NPAS3: variants seen among roughly 807,000 people sequenced by gnomAD.
The protein encoded by NPAS3 is neuronal PAS domain-containing protein 3.
A neutral mutation model predicts 73.1 loss-of-function variants in NPAS3; 14 were observed. That is an observed-to-expected ratio of 0.19 (90% CI 0.13 to 0.30). NPAS3 has a LOEUF of 0.30. Among genes scored for constraint, NPAS3 ranks in the 10% least tolerant of loss-of-function variants. The pLI, the probability that NPAS3 is intolerant of heterozygous loss-of-function variation, is 1.00. For synonymous variants in NPAS3, 620 were observed against 541.5 expected, an observed-to-expected ratio of 1.14 and a Z score of -2.01; for missense variants, 1,096 against 1,250.0, an observed-to-expected ratio of 0.88 and a Z score of 1.86.
intron 3 of NPAS3, among the ~76,000 whole-genome samples, chr14:33,358,564 G>A (rs1386130278): frequency 6.6e-5 from 10 of 152,124 alleles, no homozygotes; most frequent in Admixed American, 6.5e-4. Context: ...GGTTCTGGCA[G>A]TACCTTATTC....
At chr14:33,346,983 C>CCAA (rs2044769403) in intron 3 of NPAS3, among the ~76,000 whole-genome samples, 1 of 152,184 alleles carries the variant, frequency 6.6e-6, no homozygotes, top group Admixed American at 6.5e-5. Flanking sequence ...AAGGTTACTC[C>CCAA]ATGTCCACCA....
In NPAS3 at chr14:33,164,003, G is replaced by T. The variant is rs1334725584; in HGVS notation, c.141-51179G>T. ...AGAGGAGCATTGGGAAGCTGGCAGG[G>T]TTATGGGCAGTGAAGAAATGACAGA... On this transcript the variant is annotated intron_variant, in intron 2 of 11. Transcript: ENST00000356141. 3.3e-5 allele frequency among the ~76,000 whole-genome samples: 5 copies of T among 152,332 alleles called. No homozygotes were observed. The East Asian group carries it at 7.7e-4, about 24-fold the overall frequency.
chr14:33,583,061 T>A (rs1186123584), intron 5 of NPAS3, among the ~76,000 whole-genome samples: 1 of 142,894 alleles, frequency 7.0e-6, no homozygotes, highest in Non-Finnish European at 1.5e-5. Context: ...CAGAAAGCCC[T>A]AGTCTTCTGA....
intron 4 of NPAS3, 64 bp downstream of exon 4, chr14:33,367,332 T>A: frequency 1.4e-6 from 1 of 736,474 alleles, no homozygotes; most frequent in Non-Finnish European, 2.3e-6. Context: ...TGTTTAGTCT[T>A]TTTTTTAAAG....
At chr14:33,063,656 G>A (rs1232767109) in intron 2 of NPAS3, among the ~76,000 whole-genome samples, 1 of 152,176 alleles carries the variant, frequency 6.6e-6, no homozygotes, top group African/African-American at 2.4e-5. Flanking sequence ...ATAGTTGATA[G>A]TAGTGACAGA....
intron 3 of NPAS3, among the ~76,000 whole-genome samples, chr14:33,227,495 G>A (rs2047678785): frequency 1.3e-5 from 2 of 152,166 alleles, no homozygotes; most frequent in African/African-American, 4.8e-5. Flanking sequence ...CTCACAGTCT[G>A]GAGGCTGGAA....
rs765879181 is a variant in NPAS3 at position 33,800,603 on chromosome 14, G to A, written c.2296G>A (p.Gly766Ser). The change falls in exon 12 of 12, where the codon GGC (glycine) becomes AGC (serine). Residue 766 changes from glycine to serine, a missense_variant. Around this residue, in one of 5 missense-constraint regions of NPAS3, gnomAD observed 698 missense variants for 676.7 expected, o/e 1.03. Transcript: ENST00000356141. This position sits in a 1 kb window ranked among gnomAD's most constrained non-coding sequence, Gnocchi z 6.5. ...CAAGCACCCCGGGAACGGCGGCGGG[G>A]GCGGGGGCGGGGGCGGCGGCGCGGG... 2.7e-5 allele frequency: 36 copies of A among 1,310,988 alleles called. No homozygotes were observed. The South Asian group carries it at 6.8e-4, about 25-fold the overall frequency. The allele number at this position is 1,310,988 out of a possible 1,614,324, so 81.2% of individuals were successfully genotyped here. A position where few individuals can be genotyped will look rare whatever the true frequency, so the allele number is the denominator to read the frequency against.
intron 2 of NPAS3, among the ~76,000 whole-genome samples, chr14:33,186,226 C>A (rs139635236): frequency 0.017 from 2,586 of 152,260 alleles, 30 homozygotes; most frequent in Middle Eastern, 0.054. Context: ...TTAACTCTAT[C>A]TCTGCAGTAT....
chr14:33,692,831 T>G (rs1199510719), intron 6 of NPAS3, among the ~76,000 whole-genome samples: 1 of 91,080 alleles, frequency 1.1e-5, no homozygotes, highest in African/African-American at 4.6e-5. Flanking sequence ...AGTAGCCCAA[T>G]GTCTTAAAAA....
intron 3 of NPAS3, among the ~76,000 whole-genome samples, chr14:33,226,750 A>C (rs1000170504): frequency 1.3e-5 from 2 of 152,198 alleles, no homozygotes; most frequent in Non-Finnish European, 2.9e-5. Context: ...AAATTCAGTG[A>C]GTTCATAGGA....
chr14:33,737,791 A>T (rs1292712769), intron 7 of NPAS3, among the ~76,000 whole-genome samples: 1 of 152,174 alleles, frequency 6.6e-6, no homozygotes, highest in Admixed American at 6.6e-5. Flanking sequence ...AAACATTCCA[A>T]TAAAACTGGT....
At chr14:33,503,598 C>T (rs1293833197) in intron 4 of NPAS3, among the ~76,000 whole-genome samples, 1 of 151,688 alleles carries the variant, frequency 6.6e-6, no homozygotes, top group Non-Finnish European at 1.5e-5. Context: ...AATGGCACGG[C>T]AATGGGGCAA....
At chr14:33,021,694 C>T (rs1228414713) in intron 1 of NPAS3, among the ~76,000 whole-genome samples, 1 of 152,160 alleles carries the variant, frequency 6.6e-6, no homozygotes, top group Non-Finnish European at 1.5e-5. Context: ...ATATTCCTTT[C>T]TCTTCTGAGC....
chr14:32,994,578 TA>T (rs531429504), intron 1 of NPAS3, among the ~76,000 whole-genome samples: 21,620 of 143,888 alleles, frequency 0.15, 1,758 homozygotes, highest in African/African-American at 0.22. Flanking sequence ...GAACTTAAAT[TA>T]AAAAAAAAAA....
At chr14:33,490,005 A>G (rs2051813824) in intron 4 of NPAS3, among the ~76,000 whole-genome samples, 2 of 152,172 alleles carry the variant, frequency 1.3e-5, no homozygotes, top group African/African-American at 2.4e-5. Flanking sequence ...TGTTTTCACT[A>G]AAATATGGTG....
rs1200012049 is a variant in NPAS3, at chr14:33,642,719, T to A, written c.559-33492T>A. On this transcript the variant is annotated intron_variant, in intron 5 of 11. Transcript: ENST00000356141. ...ACCAGTGTGCACCTATTTTTTTAATTAGCAGGAAAACTTTACAAGGTCACA... is the reference window on the plus strand; with the variant it reads ...ACCAGTGTGCACCTATTTTTTTAATAAGCAGGAAAACTTTACAAGGTCACA... Among the ~76,000 whole-genome samples, 6 of 152,154 alleles carry A rather than the reference T, an allele frequency of 3.9e-5. No homozygotes were observed. In the East Asian group the frequency reaches 1.2e-3, roughly 29 times the overall value.
chr14:33,023,620 G>A (rs982186398), intron 1 of NPAS3, among the ~76,000 whole-genome samples: 1 of 152,190 alleles, frequency 6.6e-6, no homozygotes, highest in African/African-American at 2.4e-5. Context: ...GATGGGAAGA[G>A]TATTCAGAAT....
At chr14:33,154,691 C>T (rs1345736071) in intron 2 of NPAS3, among the ~76,000 whole-genome samples, 3 of 152,124 alleles carry the variant, frequency 2.0e-5, no homozygotes, top group Non-Finnish European at 4.4e-5. Context: ...CTTTCTGTTC[C>T]CCTTAGAAAA....
chr14:33,782,814 GT>G lies in NPAS3; in HGVS notation c.1153+4251del, dbSNP rs57849305. ...GGCCTATCCAACATACTTGGGGGTTGTTTTTTTTTAAAAAAAAGAAAAAAAC... is the reference window on the plus strand; with the variant it reads ...GGCCTATCCAACATACTTGGGGGTTGTTTTTTTTAAAAAAAAGAAAAAAAC... On this transcript the variant is annotated intron_variant, in intron 9 of 11. Transcript: ENST00000356141. Among the ~76,000 whole-genome samples, 1,232 of 149,608 alleles carry G rather than the reference GT, an allele frequency of 8.2e-3. 16 individuals carry two copies. Among genetic ancestry groups the G allele is most frequent in the African/African-American group, 0.028 (1,163 of 40,944 alleles).
Sources: allele counts gnomAD v4.1 joint callset (sites outside exome capture counted in the v4.1 genomes callset), GRCh38; gene constraint gnomAD v4.1.1; regional missense constraint gnomAD v4.1.1; non-coding constraint Gnocchi (gnomAD v3.1); transcripts MANE v1.5; gene names NCBI Gene and HGNC (gene_info 2026-07-23, HGNC 2026-07-21).